SH3BGRL2: variants seen among roughly 807,000 people sequenced by gnomAD.
SH3BGRL2 encodes SH3 domain binding glutamate rich protein like 2.
In SH3BGRL2, 21 loss-of-function variants were observed where a neutral mutation model predicts 14.8. That is an observed-to-expected ratio of 1.42 (90% CI 1.01 to 2.05). The LOEUF is 2.05. Among genes scored for constraint, SH3BGRL2 ranks in the 30% most tolerant of loss-of-function variants. The pLI, the probability that SH3BGRL2 is intolerant of heterozygous loss-of-function variation, is 0.00. For missense variants in SH3BGRL2, 147 were observed against 130.8 expected (o/e 1.12, Z -0.61); for synonymous variants, 50 against 47.8 (o/e 1.05, Z -0.19).
At chr6:79,549,620 G>A in the SH3BGRL2 span, among the ~76,000 whole-genome samples, 8 of 152,092 alleles carry the variant, frequency 5.3e-5, no homozygotes, top group African/African-American at 7.2e-5. Flanking sequence ...CCATATAGCC[G>A]AGGTGTGTAG....
intron 2 of SH3BGRL2, 43 bp downstream of exon 2, chr6:79,673,842 C>T (rs1323930221): frequency 6.3e-7 from 1 of 1,580,664 alleles, no homozygotes; most frequent in African/African-American, 1.4e-5. Context: ...TTTTATTGTT[C>T]AGAACACATG....
the SH3BGRL2 span, among the ~76,000 whole-genome samples, chr6:79,597,397 G>C: frequency 4.0e-5 from 6 of 151,422 alleles, no homozygotes; most frequent in African/African-American, 1.5e-4. Context: ...GAAGGAGGAA[G>C]GAAGGAAGGA....
the SH3BGRL2 span, among the ~76,000 whole-genome samples, chr6:79,538,029 T>TG: frequency 5.2e-5 from 5 of 96,434 alleles, no homozygotes; most frequent in Admixed American, 9.2e-5. Context: ...TTTTTTTTTT[T>TG]TTTTTTTTTT....
chr6:79,552,146 T>C, the SH3BGRL2 span, among the ~76,000 whole-genome samples: 1 of 152,160 alleles, frequency 6.6e-6, no homozygotes, highest in Non-Finnish European at 1.5e-5. Context: ...CTCTGTAACC[T>C]GGCAGGAGCC....
the SH3BGRL2 span, chr6:79,561,626 T>C: frequency 2.0e-5 from 3 of 152,192 alleles, no homozygotes; most frequent in South Asian, 2.1e-4. Context: ...GAGCAAGATA[T>C]CTTCTCAGAG....
chr6:79,646,663 C>A lies in SH3BGRL2; in HGVS notation c.45+15157C>A, dbSNP rs529729420. Among the ~76,000 whole-genome samples, 3 of 152,252 alleles carry A rather than the reference C, an allele frequency of 2.0e-5. 1 individual carries two copies. Among genetic ancestry groups the A allele is most frequent in the South Asian group, 4.1e-4 (2 of 4,830 alleles). ...AATCTAATTCCAGAATATTTTATCA[C>A]CCATATTCATGCCTATTAGTAGTCA... On this transcript the variant is annotated intron_variant, in intron 1 of 3. Transcript: ENST00000369838.
the SH3BGRL2 span, among the ~76,000 whole-genome samples, chr6:79,566,443 A>G: frequency 1.3e-5 from 2 of 152,142 alleles, no homozygotes; most frequent in African/African-American, 4.8e-5. Context: ...TTCTCACTTC[A>G]TGCTTCCAGT....
At chr6:79,645,900 T>C (rs150812542) in intron 1 of SH3BGRL2, among the ~76,000 whole-genome samples, 1 of 152,254 alleles carries the variant, frequency 6.6e-6, no homozygotes, top group East Asian at 1.9e-4. Flanking sequence ...CTCTAGTCAC[T>C]CTGTAATCTC....
At chr6:79,663,898 C>G (rs758076318) in intron 1 of SH3BGRL2, among the ~76,000 whole-genome samples, 8 of 152,224 alleles carry the variant, frequency 5.3e-5, no homozygotes, top group Non-Finnish European at 8.8e-5. Flanking sequence ...CCCAGCCAGG[C>G]TGCTGCCTCG....
rs773112056 is a variant in SH3BGRL2, at chr6:79,673,800, G to A, written c.231+1G>A. 2.2e-5 allele frequency: 35 copies of A among 1,612,874 alleles called. No individual in the cohort carries two copies. The highest frequency in any genetic ancestry group is 2.7e-5 in the African/African-American group (2 of 74,952). On this transcript the variant is annotated splice_donor_variant, in intron 2 of 3. Transcript: ENST00000369838. LOFTEE classifies it high-confidence loss of function. ...ATTTAATGGCGACCGATACTGTGGA[G>A]TAAGTGGCTAGACTGTTATCATGCT...
chr6:79,612,941 C>T, the SH3BGRL2 span, among the ~76,000 whole-genome samples: 77 of 152,322 alleles, frequency 5.1e-4, no homozygotes, highest in African/African-American at 1.7e-3. Context: ...CTGTATCCTT[C>T]CTGGCCACAT....
At chr6:79,542,247 A>G in the SH3BGRL2 span, among the ~76,000 whole-genome samples, 1 of 149,552 alleles carries the variant, frequency 6.7e-6, no homozygotes, top group African/African-American at 2.5e-5. Flanking sequence ...CTCAGATCCT[A>G]GCCTGCCTTT....
intron 2 of SH3BGRL2, among the ~76,000 whole-genome samples, chr6:79,685,286 G>A (rs1249784800): frequency 3.3e-5 from 5 of 152,160 alleles, no homozygotes; most frequent in African/African-American, 1.2e-4. Context: ...TTTTCTTACT[G>A]TTTCAAATTC....
chr6:79,634,329 A>T (rs1435839277), intron 1 of SH3BGRL2, among the ~76,000 whole-genome samples: 1 of 152,202 alleles, frequency 6.6e-6, no homozygotes, highest in East Asian at 1.9e-4. Context: ...TTATTATGCT[A>T]CAGATACCTG....
At chr6:79,673,933 A>C (rs1194198976) in intron 2 of SH3BGRL2, 134 bp downstream of exon 2, 16 of 897,092 alleles carry the variant, frequency 1.8e-5, no homozygotes, top group Non-Finnish European at 6.8e-6. Flanking sequence ...CATGTCTAAC[A>C]GAGGGTGAAG....
At chr6:79,653,933 G>C (rs925267675) in intron 1 of SH3BGRL2, among the ~76,000 whole-genome samples, 2 of 152,236 alleles carry the variant, frequency 1.3e-5, no homozygotes, top group Admixed American at 6.5e-5. Context: ...AAAGCCCCAA[G>C]TACTTTTCAG....
chr6:79,588,965 G>A, the SH3BGRL2 span, among the ~76,000 whole-genome samples: 3 of 151,954 alleles, frequency 2.0e-5, no homozygotes, highest in South Asian at 6.2e-4. Context: ...TATCTCTAGG[G>A]GGTTGGTTCC....
chr6:79,585,454 C>G, the SH3BGRL2 span, among the ~76,000 whole-genome samples: 62 of 152,240 alleles, frequency 4.1e-4, no homozygotes, highest in Non-Finnish European at 7.9e-4. Context: ...AAATAAGAGG[C>G]ATTGAGATTA....
the SH3BGRL2 span, among the ~76,000 whole-genome samples, chr6:79,595,672 T>A: frequency 6.6e-6 from 1 of 152,328 alleles, no homozygotes; most frequent in Admixed American, 6.5e-5. Flanking sequence ...GAAGGGAAAT[T>A]CCTCAATCTG....
Sources: gnomAD v4.1 joint callset for allele counts (sites outside exome capture counted in the v4.1 genomes callset) on GRCh38, gnomAD v4.1.1 for gene constraint, MANE v1.5 for transcripts, NCBI Gene and HGNC (gene_info 2026-07-23, HGNC 2026-07-21) for gene names.